POLR1A: variants seen among roughly 807,000 people sequenced by gnomAD.
The protein encoded by POLR1A is DNA-directed RNA polymerase I subunit RPA1.
In POLR1A, 84 loss-of-function variants were observed where a neutral mutation model predicts 205.3. The ratio of observed to expected loss-of-function variants is 0.41; its 90% CI spans 0.34 to 0.49. The LOEUF is 0.49. POLR1A is among the 20% of genes least tolerant of loss of function. The pLI is 0.22. For synonymous variants in POLR1A, 799 were observed against 863.7 expected, an observed-to-expected ratio of 0.93 and a Z score of 1.31; for missense variants, 1,645 against 2,204.5, an observed-to-expected ratio of 0.75 and a Z score of 5.08.
In POLR1A at chr2:86,028,673, G is replaced by A. The variant is rs771090979; in HGVS notation, c.4818C>T (p.His1606=). 2.2e-5 allele frequency: 36 copies of A among 1,614,058 alleles called. No homozygotes were observed. Among genetic ancestry groups the A allele is most frequent in the East Asian group, 1.1e-4 (5 of 44,890 alleles). ...CAATGCCATACGTGTTGGCTATGGC[G>A]TGGATGTCGTTGGAGTAGAGGCGGC... ...DLRRLYSNDI[H]AIANTYGIEA... The change falls in exon 32 of 34, where the codon CAC becomes CAT. Residue 1606 remains histidine, a synonymous_variant. Transcript: ENST00000263857. The surrounding 1 kb of genome is among the most constrained non-coding windows in gnomAD (Gnocchi z 4.5).
In POLR1A at chr2:86,042,952, G is replaced by A. The variant is rs1484386140; in HGVS notation, c.3357+22C>T. The stretch of plus-strand genomic sequence containing the variant: ...TAAGCCTGGACGTGCTGGACATTAA[G>A]GACACCACCTCCCTGCATCACCTCC... On this transcript the variant is annotated intron_variant, in intron 23 of 33. Coordinates refer to ENST00000263857, the MANE Select transcript of POLR1A (RefSeq NM_015425.6). 3 of 1,576,778 alleles carry A rather than the reference G, an allele frequency of 1.9e-6. No individual in the cohort carries two copies. In the South Asian group the frequency reaches 3.3e-5, roughly 17 times the overall value.
intron 28 of POLR1A, 49 bp downstream of exon 28, chr2:86,033,612 C>G: frequency 6.3e-7 from 1 of 1,597,444 alleles, no homozygotes; most frequent in Non-Finnish European, 8.5e-7. Flanking sequence ...CCTGCCCAGT[C>G]TGGGGGCTGT....
At chr2:86,060,600 T>C (rs1419445775) in intron 14 of POLR1A, among the ~76,000 whole-genome samples, 2 of 152,330 alleles carry the variant, frequency 1.3e-5, no homozygotes, top group African/African-American at 2.4e-5. Flanking sequence ...TTTCAACAAA[T>C]GATGTTGCAT....
At chr2:86,036,941 C>T (rs1265731825) in intron 27 of POLR1A, 1 of 152,254 alleles carries the variant, frequency 6.6e-6, no homozygotes, top group Non-Finnish European at 1.5e-5. Flanking sequence ...TAAAAAGAAC[C>T]CCAGCATGGG....
At chr2:86,056,615 G>A (rs1672903363) in intron 14 of POLR1A, among the ~76,000 whole-genome samples, 1 of 152,288 alleles carries the variant, frequency 6.6e-6, no homozygotes, top group South Asian at 2.1e-4. Context: ...GAGAAGTCTG[G>A]CTTCACAGCT....
intron 13 of POLR1A, 75 bp from the exon 14 acceptor site, chr2:86,065,540 C>G: frequency 8.1e-7 from 1 of 1,236,932 alleles, no homozygotes; most frequent in Non-Finnish European, 1.2e-6. Flanking sequence ...AATCGCCTGC[C>G]TGGAAGCCAC....
intron 13 of POLR1A, among the ~76,000 whole-genome samples, chr2:86,069,521 T>C (rs1300937542): frequency 6.6e-6 from 1 of 152,118 alleles, no homozygotes; most frequent in East Asian, 1.9e-4. Context: ...AGGAGTGAAC[T>C]TGGAGAAAGA....
chr2:86,098,511 G>T, intron 3 of POLR1A, 100 bp downstream of exon 3: 1 of 1,193,078 alleles, frequency 8.4e-7, no homozygotes, highest in Non-Finnish European at 1.2e-6. Flanking sequence ...CAAACGTTCT[G>T]ATGACTATCG....
Position 86,083,185 on chromosome 2 carries a change from G to A in POLR1A, c.731-17C>T. The A allele has an allele frequency of 6.4e-7, 1 of 1,556,472 alleles. No individual in the cohort carries two copies. The highest frequency in any genetic ancestry group is 1.1e-5 in the South Asian group (1 of 89,862). ...CCTCAATTCCTGGAGCCAAGGAGGA[G>A]AATCAAAGTGCAATAAATCAGAAAC... On this transcript the variant is annotated splice_polypyrimidine_tract_variant and intron_variant, in intron 6 of 33. Coordinates refer to ENST00000263857, the MANE Select transcript of POLR1A (RefSeq NM_015425.6).
chr2:86,077,850 CACACACA>C lies in POLR1A; in HGVS notation c.1380+2_1380+8del. ...ACACACACACACACACACACACACA[CACACACA>C]CCATGGGAATTCCAATTTCGTTGGT... On this transcript the variant is annotated splice_donor_variant and splice_donor_5th_base_variant and intron_variant, in intron 11 of 33. Transcript: ENST00000263857. LOFTEE classifies it high-confidence loss of function. 1.3e-6 allele frequency: 2 copies of C among 1,533,656 alleles called. No homozygotes were observed. The highest frequency in any genetic ancestry group is 8.9e-7 in the Non-Finnish European group (1 of 1,123,496).
chr2:86,070,715 CAT>C lies in POLR1A; in HGVS notation c.1612-445_1612-444del, dbSNP rs1558776788. On this transcript the variant is annotated intron_variant, in intron 12 of 33. Transcript: ENST00000263857. The surrounding 1 kb of genome is among the most constrained non-coding windows in gnomAD (Gnocchi z 4.4). ...TCGAATCCCCCCCCCGCCGTGATCA[CAT>C]GTGAGTACATTATTCTAAACAGAAA... Among the ~76,000 whole-genome samples the C allele has an allele frequency of 2.0e-5, 3 of 147,632 alleles. No individual in the cohort carries two copies. Among genetic ancestry groups the C allele is most frequent in the African/African-American group, 5.2e-5 (2 of 38,440 alleles).
chr2:86,081,806 A>G (rs1262098923), intron 7 of POLR1A, 100 bp from the exon 8 acceptor site: 15 of 689,460 alleles, frequency 2.2e-5, no homozygotes, highest in East Asian at 5.3e-5. Context: ...AAAAAACAGA[A>G]TACAAGATAA....
Position 86,088,597 on chromosome 2 carries a change from C to T in POLR1A, c.699G>A (p.Arg233=). The T allele has an allele frequency of 6.2e-7, 1 of 1,613,904 alleles. No homozygotes were observed. Among genetic ancestry groups the T allele is most frequent in the South Asian group, 1.1e-5 (1 of 91,076 alleles). The change falls in exon 6 of 34, where the codon AGG becomes AGA. Residue 233 remains arginine (R), a synonymous_variant. Coordinates refer to ENST00000263857, the MANE Select transcript of POLR1A (RefSeq NM_015425.6). The part of the protein sequence containing the change: ...LTITFPAMVH[R]TAGQKDSEPL... ...GCTCAGAGTCCTTCTGGCCAGCTGT[C>T]CTGTGCACCATGGCTGGAAACGTGA... is the stretch of plus-strand genomic sequence containing the variant.
intron 1 of POLR1A, among the ~76,000 whole-genome samples, chr2:86,102,783 C>T (rs1673846051): frequency 6.6e-6 from 1 of 152,236 alleles, no homozygotes; most frequent in South Asian, 2.1e-4. Context: ...AAGGATTCCA[C>T]CAGTCAGTAG....
Position 86,054,157 on chromosome 2 carries a change from A to G in POLR1A, c.2191T>C (p.Ser731Pro), listed in dbSNP as rs1178337142. Reference sequence around the variant, plus strand: ...AGCCATACCTGGGACTCGCACATCGAGTCAGGGTTAAAGCCAGGAACGGAT... The same window carrying G: ...AGCCATACCTGGGACTCGCACATCGGGTCAGGGTTAAAGCCAGGAACGGAT... ...PRSVPGFNPD[S>P]MCESQVIIRE... The change falls in exon 15 of 34, where the codon TCG (serine) becomes CCG (proline). Residue 731 changes from serine (S) to proline (P), a missense_variant. Coordinates refer to ENST00000263857, the MANE Select transcript of POLR1A (RefSeq NM_015425.6). 6.2e-7 allele frequency: 1 copy of G among 1,613,982 alleles called. No individual in the cohort carries two copies. Among genetic ancestry groups the G allele is most frequent in the South Asian group, 1.1e-5 (1 of 91,076 alleles).
intron 24 of POLR1A, among the ~76,000 whole-genome samples, chr2:86,041,083 T>A (rs1181252444): frequency 6.6e-6 from 1 of 152,008 alleles, no homozygotes; most frequent in Non-Finnish European, 1.5e-5. Context: ...ATTCTGTAAT[T>A]TACTAACCAT....
intron 1 of POLR1A, among the ~76,000 whole-genome samples, chr2:86,100,659 G>C (rs775323701): frequency 6.6e-6 from 1 of 151,332 alleles, no homozygotes; most frequent in African/African-American, 2.4e-5. Flanking sequence ...TCAGCCTCCC[G>C]AGTAGCTGGG....
At chr2:86,055,282 G>A (rs1672876646) in intron 14 of POLR1A, among the ~76,000 whole-genome samples, 1 of 141,464 alleles carries the variant, frequency 7.1e-6, no homozygotes, top group Admixed American at 7.1e-5. Context: ...GTGAGAGAGT[G>A]GAACTCTGTC....
chr2:86,043,248 G>C, intron 22 of POLR1A, 53 bp from the exon 23 acceptor site: 1 of 1,464,608 alleles, frequency 6.8e-7, no homozygotes, highest in South Asian at 1.1e-5. Context: ...TGAGATCAAA[G>C]AGATGAGGGC....
Sources: gnomAD v4.1 joint callset for allele counts (sites outside exome capture counted in the v4.1 genomes callset) on GRCh38, gnomAD v4.1.1 for gene constraint, Gnocchi (gnomAD v3.1) non-coding constraint, MANE v1.5 for transcripts, NCBI Gene and HGNC (gene_info 2026-07-23, HGNC 2026-07-21) for gene names.